The following AXIN1 variants were observed in gnomAD, a reference collection of about 807,000 sequenced individuals.
The protein encoded by AXIN1 is axin 1.
AXIN1 carries 30 observed loss-of-function variants against 76.4 expected under a neutral mutation model. That is an observed-to-expected ratio of 0.39 (90% CI 0.29 to 0.53). The LOEUF (loss-of-function observed/expected upper bound fraction) is 0.53, where lower values mean the gene tolerates loss of function less well. Among genes scored for constraint, AXIN1 ranks in the 20% least tolerant of loss-of-function variants. AXIN1 has a pLI of 0.66. For synonymous variants in AXIN1, 545 were observed against 501.4 expected, an observed-to-expected ratio of 1.09 and a Z score of -1.16; for missense variants, 1,140 against 1,198.8, an observed-to-expected ratio of 0.95 and a Z score of 0.72.
chr16:324,234 G>A (rs1460353133), intron 2 of AXIN1, among the ~76,000 whole-genome samples: 5 of 152,212 alleles, frequency 3.3e-5, no homozygotes, highest in African/African-American at 1.2e-4. Context: ...GGTCGGCACT[G>A]GGCACGAGGC....
intron 2 of AXIN1, among the ~76,000 whole-genome samples, chr16:321,081 G>A (rs1332269068): frequency 1.3e-5 from 2 of 152,146 alleles, no homozygotes; most frequent in Admixed American, 6.5e-5. Flanking sequence ...TGTGACGGAT[G>A]CCACCCAGAA....
intron 2 of AXIN1, among the ~76,000 whole-genome samples, chr16:334,034 C>G (rs1001289206): frequency 2.0e-5 from 3 of 149,420 alleles, no homozygotes; most frequent in Non-Finnish European, 3.0e-5. Context: ...TACCACAGCA[C>G]CCAGTACCAT....
At chr16:290,684 C>T (rs77895497) in intron 9 of AXIN1, 10,056 of 247,386 alleles carry the variant, frequency 0.041, 490 homozygotes, top group African/African-American at 0.14. Flanking sequence ...CCCTTTCTCA[C>T]GGGTTCAGAG....
At chr16:298,328 A>ACCCAGCAGC in intron 5 of AXIN1, 77 bp from the exon 6 acceptor site, 1 of 1,530,082 alleles carries the variant, frequency 6.5e-7, no homozygotes, top group Middle Eastern at 1.7e-4. Flanking sequence ...ATCAGGCCTG[A>ACCCAGCAGC]CCCAGCAGCC....
intron 2 of AXIN1, among the ~76,000 whole-genome samples, chr16:333,437 A>G (rs1026987743): frequency 4.0e-5 from 6 of 148,906 alleles, no homozygotes; most frequent in African/African-American, 1.5e-4. Context: ...TCGCCTCAGA[A>G]AAAAAAAAAA....
At chr16:333,494 T>C (rs1041601928) in intron 2 of AXIN1, among the ~76,000 whole-genome samples, 3 of 148,308 alleles carry the variant, frequency 2.0e-5, no homozygotes, top group African/African-American at 7.4e-5. Flanking sequence ...AAAGGACAAG[T>C]TTCTTCAGCA....
chr16:347,237 G>T, intron 1 of AXIN1, 131 bp from the exon 2 acceptor site: 1 of 833,066 alleles, frequency 1.2e-6, no homozygotes, highest in Non-Finnish European at 1.8e-6. Flanking sequence ...CAGTTTAAAT[G>T]TTCAATCAAG....
chr16:323,686 C>A (rs900053627), intron 2 of AXIN1, among the ~76,000 whole-genome samples: 2 of 151,658 alleles, frequency 1.3e-5, no homozygotes, highest in Admixed American at 6.6e-5. Flanking sequence ...GAGTCTGAGG[C>A]AGGAGAATTA....
At chr16:344,247 T>C (rs536864985) in intron 2 of AXIN1, among the ~76,000 whole-genome samples, 36 of 151,786 alleles carry the variant, frequency 2.4e-4, no homozygotes, top group African/African-American at 8.2e-4. Context: ...CTGGCTAACA[T>C]GGTGAAACCC....
At chr16:336,179 A>G (rs7206286) in intron 2 of AXIN1, among the ~76,000 whole-genome samples, 90,225 of 151,990 alleles carry the variant, frequency 0.59, 28,021 homozygotes, top group African/African-American at 0.78. Flanking sequence ...AGGTTGCAGT[A>G]AGCCAAGATG....
At chr16:289,233 C>A (rs1221733264) in intron 10 of AXIN1, among the ~76,000 whole-genome samples, 1 of 152,064 alleles carries the variant, frequency 6.6e-6, no homozygotes, top group Non-Finnish European at 1.5e-5. Flanking sequence ...TGGCTAATTT[C>A]TTTAGTATTT....
At chr16:351,931 A>C (rs1433972485) in intron 1 of AXIN1, among the ~76,000 whole-genome samples, 1 of 152,144 alleles carries the variant, frequency 6.6e-6, no homozygotes, top group Non-Finnish European at 1.5e-5. Flanking sequence ...ACCCAAGAGA[A>C]AGACCAGTGT....
At chr16:317,029 C>A (rs1465655422) in intron 2 of AXIN1, among the ~76,000 whole-genome samples, 6 of 152,186 alleles carry the variant, frequency 3.9e-5, no homozygotes, top group African/African-American at 1.4e-4. Context: ...ACTGCCATGT[C>A]GGAGGTGCAA....
chr16:312,973 C>G (rs2141586192), intron 3 of AXIN1, among the ~76,000 whole-genome samples: 1 of 151,982 alleles, frequency 6.6e-6, no homozygotes. Flanking sequence ...CAGTTTGCGC[C>G]CAGGAGTTGG....
intron 7 of AXIN1, among the ~76,000 whole-genome samples, chr16:295,782 C>T (rs1293174863): frequency 6.6e-6 from 1 of 151,914 alleles, no homozygotes; most frequent in African/African-American, 2.4e-5. Flanking sequence ...ACATGGCAAC[C>T]ACCCCCTGCC....
chr16:338,116 C>A (rs1410260510), intron 2 of AXIN1, among the ~76,000 whole-genome samples: 4 of 152,216 alleles, frequency 2.6e-5, no homozygotes, highest in Non-Finnish European at 5.9e-5. Context: ...CCACCATAGC[C>A]CAGCCTGGCC....
chr16:332,548 G>A (rs1401719441), intron 2 of AXIN1, among the ~76,000 whole-genome samples: 1 of 150,730 alleles, frequency 6.6e-6, no homozygotes, highest in Non-Finnish European at 1.5e-5. Flanking sequence ...TGCACTCCAG[G>A]CTGGGCGAAA....
intron 2 of AXIN1, among the ~76,000 whole-genome samples, chr16:339,179 A>G (rs1303564994): frequency 7.3e-6 from 1 of 137,272 alleles, no homozygotes; most frequent in Non-Finnish European, 1.5e-5. Flanking sequence ...GGAGTTCAAA[A>G]CCAGCCAGCC....
intron 2 of AXIN1, among the ~76,000 whole-genome samples, chr16:329,334 G>C (rs2053646755): frequency 1.3e-5 from 2 of 150,988 alleles, no homozygotes; most frequent in Non-Finnish European, 2.9e-5. Flanking sequence ...CATGAATTAG[G>C]ATCCCATTTT....
Sources: gnomAD v4.1 joint callset for allele counts (sites outside exome capture counted in the v4.1 genomes callset) on GRCh38, gnomAD v4.1.1 for gene constraint, MANE v1.5 for transcripts, NCBI Gene and HGNC (gene_info 2026-07-23, HGNC 2026-07-21) for gene names.